The following NUP98 variants were observed in gnomAD, a reference collection of about 807,000 sequenced individuals.
NUP98 encodes nuclear pore complex protein Nup98-Nup96.
Under a neutral mutation model 191.9 loss-of-function variants are expected in NUP98, and 26 were observed. The ratio of observed to expected loss-of-function variants is 0.14; its 90% confidence interval spans 0.10 to 0.19. NUP98 has a LOEUF of 0.19. Among genes scored for constraint, NUP98 ranks in the 10% least tolerant of loss-of-function variants. The probability of loss-of-function intolerance (pLI) is 1.00; values close to 1 mark genes in which losing one functional copy is unlikely to be tolerated. For missense variants in NUP98, 1,941 were observed against 2,178.8 expected (o/e 0.89, Z 2.17); for synonymous variants, 808 against 778.4 (o/e 1.04, Z -0.63).
intron 12 of NUP98, among the ~76,000 whole-genome samples, chr11:3,741,969 T>G (rs1348191125): frequency 6.6e-6 from 1 of 152,238 alleles, no homozygotes; most frequent in Non-Finnish European, 1.5e-5. Flanking sequence ...TACACTTCAC[T>G]TGAAGACACA....
intron 31 of NUP98, among the ~76,000 whole-genome samples, chr11:3,678,099 C>A (rs1042617585): frequency 6.7e-6 from 1 of 149,554 alleles, no homozygotes; most frequent in Non-Finnish European, 1.5e-5. Context: ...GATTGTGCCA[C>A]TGCCCTCCAG....
At chr11:3,705,401 A>G (rs1160983280) in intron 21 of NUP98, 45 bp from the exon 22 acceptor site, 1 of 1,596,512 alleles carries the variant, frequency 6.3e-7, no homozygotes. Context: ...CCCAGAATCA[A>G]AAGGCCATAC....
At chr11:3,760,382 G>T in intron 10 of NUP98, 157 bp downstream of exon 10, 2 of 1,079,852 alleles carry the variant, frequency 1.9e-6, no homozygotes, top group Non-Finnish European at 2.7e-6. Flanking sequence ...TCAAGCTACC[G>T]CTTACCTGAG....
intron 21 of NUP98, among the ~76,000 whole-genome samples, chr11:3,706,079 G>C (rs990260189): frequency 1.3e-5 from 2 of 151,788 alleles, no homozygotes; most frequent in Non-Finnish European, 2.9e-5. Context: ...TGGGGCAGGG[G>C]AATCACTTGA....
chr11:3,712,418 C>G, intron 20 of NUP98, 146 bp downstream of exon 20: 1 of 1,453,084 alleles, frequency 6.9e-7, no homozygotes, highest in Non-Finnish European at 9.0e-7. Context: ...CTCACGCCCT[C>G]CCTTGCACTT....
chr11:3,788,090 T>C (rs569327872), intron 1 of NUP98, among the ~76,000 whole-genome samples: 2 of 152,322 alleles, frequency 1.3e-5, no homozygotes, highest in South Asian at 4.1e-4. Flanking sequence ...TATTTGTTAT[T>C]ATACCTGCCA....
At position 3,771,945 on chromosome 11, in the gene NUP98, C is replaced by T. The variant is rs2081545369; in HGVS notation, c.604-17G>A. The T allele has an allele frequency of 1.2e-6, 2 of 1,605,800 alleles. No individual in the cohort carries two copies. Among genetic ancestry groups the T allele is most frequent in the Non-Finnish European group, 1.7e-6 (2 of 1,174,142 alleles). ...ACGAAGTTCCTGAAGGGAGGGAAAA[C>T]ATATTTCTAATCTTAACATGCAGCT... On this transcript the variant is annotated splice_polypyrimidine_tract_variant and intron_variant, in intron 6 of 32. Transcript: ENST00000324932.
intron 24 of NUP98, among the ~76,000 whole-genome samples, chr11:3,700,330 G>A (rs935684037): frequency 1.3e-5 from 2 of 151,066 alleles, no homozygotes; most frequent in East Asian, 3.9e-4. Flanking sequence ...TATGTTCTCT[G>A]GATTAGGTAA....
intron 25 of NUP98, chr11:3,696,630 G>C (rs1412394630): frequency 6.6e-6 from 1 of 151,992 alleles, no homozygotes; most frequent in Non-Finnish European, 1.5e-5. Context: ...CCAACATGAC[G>C]AAACGGCATC....
At chr11:3,780,197 A>C (rs979594544) in intron 2 of NUP98, among the ~76,000 whole-genome samples, 1 of 151,856 alleles carries the variant, frequency 6.6e-6, no homozygotes, top group Non-Finnish European at 1.5e-5. Flanking sequence ...TGGACGTAGA[A>C]TTCTTTAAAA....
At chr11:3,733,236 T>C (rs1331308762) in intron 13 of NUP98, among the ~76,000 whole-genome samples, 3 of 152,226 alleles carry the variant, frequency 2.0e-5, no homozygotes, top group East Asian at 3.8e-4. Context: ...TTCTTTCTTA[T>C]GATTTGCCTA....
intron 12 of NUP98, among the ~76,000 whole-genome samples, chr11:3,737,710 A>G: frequency 6.6e-6 from 1 of 152,282 alleles, no homozygotes; most frequent in Admixed American, 6.5e-5. Context: ...CTTAAAATCG[A>G]TGTATTCAAT....
chr11:3,731,879 T>A (rs1015708133), intron 13 of NUP98, among the ~76,000 whole-genome samples: 5 of 152,228 alleles, frequency 3.3e-5, no homozygotes, highest in African/African-American at 1.2e-4. Flanking sequence ...AATGTCCCAA[T>A]GAGCATTTCT....
intron 31 of NUP98, among the ~76,000 whole-genome samples, chr11:3,678,136 T>TAAA (rs76077592): frequency 4.8e-5 from 5 of 103,398 alleles, no homozygotes; most frequent in South Asian, 3.1e-4. Context: ...AAACTCTGCC[T>TAAA]AAAAAAAAAA....
intron 20 of NUP98, among the ~76,000 whole-genome samples, chr11:3,709,674 GAAA>G (rs767248887): frequency 7.6e-6 from 1 of 132,066 alleles, no homozygotes; most frequent in Non-Finnish European, 1.6e-5. Context: ...CTTTGCCTCA[GAAA>G]AAAAAAAAAA....
chr11:3,735,662 G>C (rs1293556529), intron 12 of NUP98, among the ~76,000 whole-genome samples: 4 of 151,804 alleles, frequency 2.6e-5, no homozygotes, highest in African/African-American at 9.7e-5. Context: ...TGAAATAGCT[G>C]CATAAAAAGC....
At chr11:3,795,831 G>A (rs1378180444) in intron 1 of NUP98, among the ~76,000 whole-genome samples, 1 of 152,164 alleles carries the variant, frequency 6.6e-6, no homozygotes, top group Non-Finnish European at 1.5e-5. Flanking sequence ...CCCTGTTCAC[G>A]CTTTACTATT....
intron 11 of NUP98, among the ~76,000 whole-genome samples, chr11:3,748,495 T>C (rs577255777): frequency 6.6e-6 from 1 of 152,272 alleles, no homozygotes; most frequent in South Asian, 2.1e-4. Flanking sequence ...CACTCCAGCC[T>C]GGGCAACAGA....
At chr11:3,782,415 ATCT>A (rs1253187289) in intron 1 of NUP98, among the ~76,000 whole-genome samples, 7 of 151,440 alleles carry the variant, frequency 4.6e-5, no homozygotes, top group Non-Finnish European at 1.0e-4. Context: ...AATGTTTTCA[ATCT>A]TTTTTTTTTT....
Sources: gnomAD v4.1 joint callset for allele counts (sites outside exome capture counted in the v4.1 genomes callset) on GRCh38, gnomAD v4.1.1 for gene constraint, MANE v1.5 for transcripts, NCBI Gene and HGNC (gene_info 2026-07-23, HGNC 2026-07-21) for gene names.